The following KANK2 variants were observed in gnomAD, a reference collection of about 807,000 sequenced individuals.
KANK2 encodes the protein KN motif and ankyrin repeat domains 2.
Under a neutral mutation model 74.6 loss-of-function variants are expected in KANK2, and 41 were observed. The ratio of observed to expected loss-of-function variants is 0.55; its 90% CI spans 0.43 to 0.71. KANK2 has a LOEUF of 0.71. Ranked by LOEUF, KANK2 falls within the 30% of genes least tolerant of loss-of-function variation. The pLI is 0.00. For synonymous variants in KANK2, 537 were observed against 519.0 expected, an observed-to-expected ratio of 1.03 and a Z score of -0.47; for missense variants, 1,148 against 1,196.4, an observed-to-expected ratio of 0.96 and a Z score of 0.60.
intron 4 of KANK2, among the ~76,000 whole-genome samples, chr19:11,181,531 ACCACTGCGC>A (rs1439758391): frequency 6.6e-6 from 1 of 152,066 alleles, no homozygotes; most frequent in Non-Finnish European, 1.5e-5. Flanking sequence ...ACAGGTGGGA[ACCACTGCGC>A]CCAGCCCTAG....
Position 11,178,609 on chromosome 19 carries a change from T to G in KANK2, c.1361A>C (p.His454Pro). ...GGCTGCTTGCCTGGTGGGCTCCCTGTGGGTGGGCTCCTGGGTGGGCACTCG... is the reference window on the plus strand; with the variant it reads ...GGCTGCTTGCCTGGTGGGCTCCCTGGGGGTGGGCTCCTGGGTGGGCACTCG... The part of the protein sequence containing the change: ...TGRVPTQEPT[H>P]REPTRQAASQ... The change falls in exon 5 of 13, where the codon CAC becomes CCC. Residue 454 changes from histidine to proline, a missense_variant. Transcript: ENST00000586659. 1.2e-6 allele frequency: 2 copies of G among 1,601,888 alleles called. No individual in the cohort carries two copies. The highest frequency in any genetic ancestry group is 8.5e-7 in the Non-Finnish European group (1 of 1,175,326).
intron 4 of KANK2, 181 bp downstream of exon 4, chr19:11,192,650 G>A (rs2078879352): frequency 2.9e-6 from 2 of 686,978 alleles, no homozygotes; most frequent in Non-Finnish European, 5.2e-6. Context: ...GGCCAGGCTG[G>A]TCTCCAACTC....
In KANK2 at chr19:11,194,002, C is replaced by A. The variant is rs1425336946; in HGVS notation, c.78G>T (p.Lys26Asn). 11 of 1,612,178 alleles carry A rather than the reference C, an allele frequency of 6.8e-6. No homozygotes were observed. The highest frequency in any genetic ancestry group is 9.3e-6 in the Non-Finnish European group (11 of 1,178,874). Residue 26 changes from lysine to asparagine, a missense_variant, in exon 4 of 13, where the codon AAG becomes AAT. Lys to Asn is a moderately conservative substitution (Grantham distance 94). Coordinates refer to ENST00000586659, the MANE Select transcript of KANK2 (RefSeq NM_001136191.3). The part of the protein sequence containing the change: ...GPASPPAFPA[K>N]DPDPPYSVET... Reference sequence around the variant, plus strand: ...CCACGGAGTAGGGTGGATCGGGGTCCTTGGCAGGGAAGGCAGGTGGGGAGG... The same window carrying A: ...CCACGGAGTAGGGTGGATCGGGGTCATTGGCAGGGAAGGCAGGTGGGGAGG...
At chr19:11,174,733 A>T in intron 8 of KANK2, 41 bp from the exon 9 acceptor site, 1 of 1,480,568 alleles carries the variant, frequency 6.8e-7, no homozygotes, top group Non-Finnish European at 9.2e-7. Context: ...AGGGCGGGGG[A>T]GGCCCACTGG....
intron 12 of KANK2, among the ~76,000 whole-genome samples, chr19:11,167,820 G>A (rs998274932): frequency 6.6e-6 from 1 of 151,642 alleles, no homozygotes; most frequent in African/African-American, 2.4e-5. Context: ...GAACCAGTGA[G>A]TCTGGCCTGA....
rs12979620 is a variant in KANK2 at position 11,189,908 on chromosome 19, A to T, written c.1249+2923T>A. ...TCTGGCAGGGGGCCAGAACCTCAGG[A>T]CCTGGTGTTTGGGATAGACACAGAA... On this transcript the variant is annotated intron_variant, in intron 4 of 12. Coordinates refer to ENST00000586659, the MANE Select transcript of KANK2 (RefSeq NM_001136191.3). 2.6e-5 allele frequency among the ~76,000 whole-genome samples: 4 copies of T among 151,952 alleles called. No individual in the cohort carries two copies. The South Asian group carries it at 8.3e-4, about 31-fold the overall frequency.
chr19:11,191,089 G>A (rs1047268669), intron 4 of KANK2, among the ~76,000 whole-genome samples: 5 of 151,728 alleles, frequency 3.3e-5, no homozygotes, highest in African/African-American at 1.2e-4. Context: ...CGCCCAGGCT[G>A]GAGGGCAGTG....
Position 11,174,940 on chromosome 19 carries a change from A to G in KANK2, c.1849-248T>C, listed in dbSNP as rs73504677. Among the ~76,000 whole-genome samples the G allele has an allele frequency of 0.078, 11,800 of 150,988 alleles. 695 individuals are homozygous for G. The highest frequency in any genetic ancestry group is 0.21 in the East Asian group (1,085 of 5,090). ...AGGTGTGAGCACCTCCACCCTGGATATAATTTCTCTCTCTCTCTTTTTTTT... is the reference window on the plus strand; with the variant it reads ...AGGTGTGAGCACCTCCACCCTGGATGTAATTTCTCTCTCTCTCTTTTTTTT... On this transcript the variant is annotated intron_variant, in intron 8 of 12. Coordinates refer to ENST00000586659, the MANE Select transcript of KANK2 (RefSeq NM_001136191.3).
At chr19:11,188,033 C>G (rs972508956) in intron 4 of KANK2, among the ~76,000 whole-genome samples, 1 of 152,064 alleles carries the variant, frequency 6.6e-6, no homozygotes, top group African/African-American at 2.4e-5. Flanking sequence ...ACCGTATGAC[C>G]TGCAAAAGTG....
At chr19:11,183,681 G>A (rs572336770) in intron 4 of KANK2, among the ~76,000 whole-genome samples, 45 of 150,548 alleles carry the variant, frequency 3.0e-4, no homozygotes, top group Non-Finnish European at 4.0e-4. Flanking sequence ...AGAGAGTCTC[G>A]CATTGTCACC....
intron 4 of KANK2, among the ~76,000 whole-genome samples, chr19:11,183,793 A>G (rs145836988): frequency 0.067 from 10,150 of 151,934 alleles, 387 homozygotes; most frequent in Admixed American, 0.091. Flanking sequence ...TGGGATTACA[A>G]GTGCCCGCTA....
chr19:11,197,836 G>GGGCGGAACGGCTCGGC (rs1841657162), upstream of KANK2: 1 of 152,018 alleles, frequency 6.6e-6, no homozygotes, highest in South Asian at 2.1e-4. Flanking sequence ...CCGCTGCGGG[G>GGGCGGAACGGCTCGGC]GGCGGAACGG....
At position 11,174,493 on chromosome 19, in the gene KANK2, A is replaced by G; in HGVS notation, c.2048T>C (p.Val683Ala). 1 of 1,612,000 alleles carries G rather than the reference A, an allele frequency of 6.2e-7. No individual in the cohort carries two copies. Among genetic ancestry groups the G allele is most frequent in the Non-Finnish European group, 8.5e-7 (1 of 1,179,138 alleles). Reference protein sequence around the residue: ...YSVSHANFPVVQQLLDSGVCK... With the variant: ...YSVSHANFPVAQQLLDSGVCK... ...CTCACCGCTGTCGAGCAGCTGCTGCACCACGGGGAAGTTGGCATGAGACAC... is the reference window on the plus strand; with the variant it reads ...CTCACCGCTGTCGAGCAGCTGCTGCGCCACGGGGAAGTTGGCATGAGACAC... The change falls in exon 9 of 13, where the codon GTG becomes GCG. Residue 683 changes from valine (V) to alanine (A), a missense_variant. By Grantham distance (64) the Val-to-Ala change is moderately conservative. Transcript: ENST00000586659.
intron 4 of KANK2, among the ~76,000 whole-genome samples, chr19:11,186,502 AGCCT>A (rs1727815386): frequency 6.6e-6 from 1 of 152,142 alleles, no homozygotes. Flanking sequence ...GTTGGAGACG[AGCCT>A]GACCAACATG....
At chr19:11,167,037 C>G (rs1013287636) in intron 12 of KANK2, among the ~76,000 whole-genome samples, 1 of 152,070 alleles carries the variant, frequency 6.6e-6, no homozygotes, top group African/African-American at 2.4e-5. Context: ...TGTGCAGGGC[C>G]TGGTGGGCTT....
At chr19:11,181,122 GGA>G (rs1171505654) in intron 4 of KANK2, among the ~76,000 whole-genome samples, 1 of 141,918 alleles carries the variant, frequency 7.0e-6, no homozygotes, top group African/African-American at 2.7e-5. Context: ...AAAAATTCTG[GGA>G]GAGCCAAAAA....
intron 12 of KANK2, chr19:11,169,675 C>T: frequency 1.7e-6 from 1 of 599,428 alleles, no homozygotes; most frequent in Non-Finnish European, 3.0e-6. Flanking sequence ...GTGGTGCACA[C>T]CTGTTATCCC....
Position 11,175,904 on chromosome 19 carries a change from G to C in KANK2, c.1846C>G (p.Leu616Val), listed in dbSNP as rs997039194. 1.2e-6 allele frequency: 2 copies of C among 1,613,030 alleles called. No individual in the cohort carries two copies. The highest frequency in any genetic ancestry group is 1.7e-5 in the Admixed American group (1 of 59,940). Residue 616 changes from leucine (L) to valine (V), a missense_variant and splice_region_variant, in exon 8 of 13, where the codon CTG becomes GTG. Leu to Val is a conservative substitution (Grantham distance 32, BLOSUM62 1). Transcript: ENST00000586659. ...DNPNALTERE[L>V]KVAYTTVLQE... ...CTAGGCCCAGGGCCAGATCGTACCA[G>C]CTCCCGCTCTGTGAGGGCGTTGGGA... is the stretch of plus-strand genomic sequence containing the variant.
At chr19:11,177,519 T>G (rs2078380470) in intron 6 of KANK2, among the ~76,000 whole-genome samples, 3 of 151,950 alleles carry the variant, frequency 2.0e-5, no homozygotes, top group African/African-American at 7.3e-5. Flanking sequence ...ACCCAGCTAT[T>G]TTTTGTATTT....
Sources: allele counts gnomAD v4.1 joint callset (sites outside exome capture counted in the v4.1 genomes callset), GRCh38; gene constraint gnomAD v4.1.1; transcripts MANE v1.5; gene names NCBI Gene and HGNC (gene_info 2026-07-23, HGNC 2026-07-21).